Variants in CACNA1E observed in about 807,000 individuals in gnomAD.
CACNA1E encodes the protein calcium voltage-gated channel subunit alpha1 E.
A neutral mutation model predicts 259.2 loss-of-function variants in CACNA1E; 40 were observed. The ratio of observed to expected loss-of-function variants is 0.15; its 90% CI spans 0.12 to 0.20. The LOEUF (loss-of-function observed/expected upper bound fraction) is 0.20. CACNA1E is among the 10% of genes least tolerant of loss of function. The probability of loss-of-function intolerance (pLI) is 1.00; values close to 1 mark genes in which losing one functional copy is unlikely to be tolerated. For synonymous variants in CACNA1E, 1,104 were observed against 1,138.5 expected, an observed-to-expected ratio of 0.97 and a Z score of 0.61; for missense variants, 1,874 against 3,040.1, an observed-to-expected ratio of 0.62 and a Z score of 9.02.
intron 3 of CACNA1E, among the ~76,000 whole-genome samples, chr1:181,534,990 C>G (rs950003791): frequency 5.3e-5 from 8 of 151,456 alleles, no homozygotes; most frequent in African/African-American, 1.9e-4. Flanking sequence ...CAAATGCCAA[C>G]CAAAAGTAAG....
chr1:181,629,938 T>G (rs1274766426), intron 6 of CACNA1E, among the ~76,000 whole-genome samples: 1 of 152,070 alleles, frequency 6.6e-6, no homozygotes, highest in Non-Finnish European at 1.5e-5. Flanking sequence ...TCTAGGTGCT[T>G]GTCCTGGAGG....
rs1653091439 is a variant in CACNA1E at position 181,595,714 on chromosome 1, G to A, written c.951+14938G>A. ...CACCAAGATAACACTCCCCACAGGCGAGGGTATCCAGGGCTCCTGGGACTG... is the reference window on the plus strand; with the variant it reads ...CACCAAGATAACACTCCCCACAGGCAAGGGTATCCAGGGCTCCTGGGACTG... On this transcript the variant is annotated intron_variant, in intron 6 of 47. Coordinates refer to ENST00000367573, the MANE Select transcript of CACNA1E (RefSeq NM_001205293.3). Among the ~76,000 whole-genome samples the A allele has an allele frequency of 2.0e-5, 3 of 152,138 alleles. No individual in the cohort carries two copies. In the South Asian group the frequency reaches 6.2e-4, roughly 32 times the overall value.
At chr1:181,683,826 T>G (rs1171946230) in intron 7 of CACNA1E, among the ~76,000 whole-genome samples, 7 of 152,254 alleles carry the variant, frequency 4.6e-5, no homozygotes, top group African/African-American at 1.7e-4. Context: ...AATTTCTTTA[T>G]GCAGTCCACT....
Position 181,792,657 on chromosome 1 carries a change from C to T in CACNA1E, c.5899-1008C>T, listed in dbSNP as rs563234461. Among the ~76,000 whole-genome samples, 370 of 128,912 alleles carry T rather than the reference C, an allele frequency of 2.9e-3. 4 individuals are homozygous for T. Among genetic ancestry groups the T allele is most frequent in the African/African-American group, 0.011 (354 of 33,006 alleles). 84.6% of individuals were successfully genotyped at this position (128,912 alleles called of 152,430 possible). A position where few individuals can be genotyped will look rare whatever the true frequency, so the allele number is the denominator to read the frequency against. On this transcript the variant is annotated intron_variant, in intron 44 of 47. Coordinates refer to ENST00000367573, the MANE Select transcript of CACNA1E (RefSeq NM_001205293.3). The stretch of plus-strand genomic sequence containing the variant: ...TAGGCTAAGGTGGGGGTCCCAGACA[C>T]TCTTTCCTTTGGGCAATGCCCTGTT...
intron 1 of CACNA1E, among the ~76,000 whole-genome samples, chr1:181,335,442 C>T (rs926978012): frequency 1.6e-4 from 24 of 152,186 alleles, no homozygotes; most frequent in African/African-American, 5.8e-4. Flanking sequence ...TTTTTCTTTT[C>T]CTTAAATGCT....
intron 6 of CACNA1E, among the ~76,000 whole-genome samples, chr1:181,619,684 A>G (rs2103157353): frequency 6.6e-6 from 1 of 152,282 alleles, no homozygotes; most frequent in African/African-American, 2.4e-5. Flanking sequence ...TAGCAGTATG[A>G]ATGGTGAGGA....
intron 6 of CACNA1E, among the ~76,000 whole-genome samples, chr1:181,618,942 T>C (rs979299333): frequency 1.3e-5 from 2 of 152,210 alleles, no homozygotes; most frequent in Admixed American, 6.5e-5. Context: ...TTTAAATTCA[T>C]AGATACATGA....
chr1:181,430,182 C>A (rs903328755), intron 2 of CACNA1E, among the ~76,000 whole-genome samples: 4 of 152,172 alleles, frequency 2.6e-5, no homozygotes, highest in African/African-American at 4.8e-5. Flanking sequence ...GACAGTCTTA[C>A]CAATGCACCA....
intron 6 of CACNA1E, among the ~76,000 whole-genome samples, chr1:181,623,155 C>G (rs1207259157): frequency 6.6e-6 from 1 of 152,188 alleles, no homozygotes; most frequent in Non-Finnish European, 1.5e-5. Flanking sequence ...TGCAACCCCT[C>G]AGTTAAAATC....
At chr1:181,638,852 C>A (rs1454560349) in intron 6 of CACNA1E, among the ~76,000 whole-genome samples, 1 of 152,168 alleles carries the variant, frequency 6.6e-6, no homozygotes, top group Non-Finnish European at 1.5e-5. Context: ...TGCCTTGCTT[C>A]CCCTTCTACC....
intron 2 of CACNA1E, among the ~76,000 whole-genome samples, chr1:181,476,400 G>T (rs1662852809): frequency 6.6e-6 from 1 of 152,176 alleles, no homozygotes; most frequent in South Asian, 2.1e-4. Flanking sequence ...CAACACAAAG[G>T]GTTCTTGGAG....
intron 1 of CACNA1E, among the ~76,000 whole-genome samples, chr1:181,394,979 G>C (rs115008358): frequency 0.024 from 3,601 of 152,156 alleles, 50 homozygotes; most frequent in African/African-American, 0.03. Context: ...GTGAAGGGAG[G>C]GTACATTGCA....
chr1:181,729,788 A>G (rs1400913491), intron 18 of CACNA1E, among the ~76,000 whole-genome samples: 1 of 152,104 alleles, frequency 6.6e-6, no homozygotes, highest in Non-Finnish European at 1.5e-5. Flanking sequence ...ACGTACGTAC[A>G]CTCTTACACA....
chr1:181,362,099 C>A (rs1653922961), intron 1 of CACNA1E, among the ~76,000 whole-genome samples: 1 of 152,194 alleles, frequency 6.6e-6, no homozygotes, highest in Admixed American at 6.5e-5. Context: ...CATCTGGCAT[C>A]CAGTAGGTAT....
chr1:181,786,710 G>GTGAT (rs1395684759), intron 43 of CACNA1E, among the ~76,000 whole-genome samples: 2 of 152,170 alleles, frequency 1.3e-5, no homozygotes, highest in African/African-American at 4.8e-5. Context: ...ATGAGCTTTT[G>GTGAT]TGATTGGGTT....
chr1:181,493,049 C>G (rs1664454076), intron 1 of CACNA1E, among the ~76,000 whole-genome samples: 1 of 152,144 alleles, frequency 6.6e-6, no homozygotes, highest in African/African-American at 2.4e-5. Context: ...CCCTCTAGTA[C>G]AGTGTTTGTT....
chr1:181,460,706 C>T (rs1320595900), intron 2 of CACNA1E, among the ~76,000 whole-genome samples: 1 of 152,170 alleles, frequency 6.6e-6, no homozygotes, highest in Admixed American at 6.5e-5. Flanking sequence ...TTCATTTACA[C>T]TTAGAGTAGT....
chr1:181,756,625 A>C (rs1029482866), intron 29 of CACNA1E, among the ~76,000 whole-genome samples: 6 of 152,200 alleles, frequency 3.9e-5, no homozygotes, highest in Admixed American at 1.3e-4. Context: ...AACAGGTTCT[A>C]CTTGGCAGCA....
intron 1 of CACNA1E, among the ~76,000 whole-genome samples, chr1:181,394,841 T>C (rs908434513): frequency 6.6e-5 from 10 of 151,934 alleles, no homozygotes; most frequent in Non-Finnish European, 1.5e-4. Context: ...GAGAACAACA[T>C]GGAGGCCAGT....
Sources: allele counts gnomAD v4.1 joint callset (sites outside exome capture counted in the v4.1 genomes callset), GRCh38; gene constraint gnomAD v4.1.1; transcripts MANE v1.5; gene names NCBI Gene and HGNC (gene_info 2026-07-23, HGNC 2026-07-21).